Variants in RAPGEF3 observed in about 807,000 individuals in gnomAD.
RAPGEF3 encodes 9330170P05Rik.
RAPGEF3 carries 103 observed loss-of-function variants against 129.8 expected under a neutral mutation model. The ratio of observed to expected loss-of-function variants is 0.79; its 90% CI spans 0.68 to 0.93. The LOEUF is 0.93. Ranked by LOEUF, RAPGEF3 falls within the 40% of genes least tolerant of loss-of-function variation. RAPGEF3 has a pLI of 0.00. For synonymous variants in RAPGEF3, 436 were observed against 482.6 expected (o/e 0.90, Z 1.26); for missense variants, 1,117 against 1,207.4 (o/e 0.93, Z 1.11).
chr12:47,746,344 C>A, intron 16 of RAPGEF3: 1 of 377,698 alleles, frequency 2.6e-6, no homozygotes, highest in South Asian at 3.0e-5. Context: ...CCACCACCAA[C>A]CTAATCTACC....
chr12:47,755,137 T>C (rs79633195), intron 2 of RAPGEF3, among the ~76,000 whole-genome samples: 11,232 of 152,158 alleles, frequency 0.074, 544 homozygotes, highest in Middle Eastern at 0.11. Context: ...AGCATGGTGG[T>C]TATGTGGTTA....
At chr12:47,751,335 C>T (rs1374850906) in intron 5 of RAPGEF3, 64 bp downstream of exon 5, 9 of 1,604,874 alleles carry the variant, frequency 5.6e-6, no homozygotes, top group South Asian at 2.2e-5. Flanking sequence ...CCCAGGACTG[C>T]CCTGTCCTGT....
Position 47,757,994 on chromosome 12 carries a change from G to A in RAPGEF3, c.91C>T (p.Leu31Phe), listed in dbSNP as rs1468785445. Reference sequence around the variant, plus strand: ...GTCCCCTCCGGCACCACGTCAGGGAGGGCTCCCACCCGCGGTGCTCCCAGA... The same window carrying A: ...GTCCCCTCCGGCACCACGTCAGGGAAGGCTCCCACCCGCGGTGCTCCCAGA... ...PALGAPRVGALPDVVPEGTLL... is the reference protein window; with the variant it reads ...PALGAPRVGAFPDVVPEGTLL... Residue 31 changes from leucine to phenylalanine, a missense_variant, in exon 2 of 28, where the codon CTC (leucine) becomes TTC (phenylalanine). Transcript: ENST00000449771. 2 of 1,573,146 alleles carry A rather than the reference G, an allele frequency of 1.3e-6. No individual in the cohort carries two copies. Among genetic ancestry groups the A allele is most frequent in the African/African-American group, 1.3e-5 (1 of 74,214 alleles).
Position 47,757,976 on chromosome 12 carries a change from C to T in RAPGEF3, c.109G>A (p.Glu37Lys). ...RVGALPDVVP[E>K]GTLLNMVLRR... The stretch of plus-strand genomic sequence containing the variant: ...AACACCATGTTGAGTAGTGTCCCCT[C>T]CGGCACCACGTCAGGGAGGGCTCCC... Residue 37 changes from glutamate to lysine, a missense_variant, in exon 2 of 28, where the codon GAG becomes AAG. Glu to Lys is a moderately conservative substitution (Grantham distance 56). Coordinates refer to ENST00000449771, the MANE Select transcript of RAPGEF3 (RefSeq NM_001098531.4). 6.4e-7 allele frequency: 1 copy of T among 1,566,478 alleles called. No individual in the cohort carries two copies. The highest frequency in any genetic ancestry group is 8.7e-7 in the Non-Finnish European group (1 of 1,155,138).
intron 12 of RAPGEF3, 23 bp from the exon 13 acceptor site, chr12:47,748,175 G>T: frequency 6.5e-7 from 1 of 1,538,906 alleles, no homozygotes; most frequent in South Asian, 1.2e-5. Context: ...GTGAGGGGAT[G>T]GGAGGAGGCT....
At chr12:47,739,497 T>C (rs1941009273) in intron 23 of RAPGEF3, 3 of 662,002 alleles carry the variant, frequency 4.5e-6, no homozygotes, top group Admixed American at 2.2e-5. Context: ...CTCTGTCCCT[T>C]TCTATCCCTG....
intron 7 of RAPGEF3, 133 bp from the exon 8 acceptor site, chr12:47,750,123 A>G: frequency 8.5e-7 from 1 of 1,181,586 alleles, no homozygotes; most frequent in East Asian, 2.3e-5. Context: ...AGGTGTTCCC[A>G]GGATTCAGCA....
intron 19 of RAPGEF3, 54 bp downstream of exon 19, chr12:47,741,451 C>T: frequency 6.6e-7 from 1 of 1,523,802 alleles, no homozygotes; most frequent in Non-Finnish European, 9.1e-7. Context: ...TCCACCACTG[C>T]CACACTCAAA....
chr12:47,756,784 T>C (rs1251126213), intron 2 of RAPGEF3, among the ~76,000 whole-genome samples: 1 of 151,870 alleles, frequency 6.6e-6, no homozygotes, highest in African/African-American at 2.4e-5. Flanking sequence ...TCCTGGCCAA[T>C]ATGGTGAAAC....
chr12:47,740,629 G>C lies in RAPGEF3; in HGVS notation c.2231+13C>G. 1 of 1,613,102 alleles carries C rather than the reference G, an allele frequency of 6.2e-7. No homozygotes were observed. ...GACTCTGGCCACGCCCTACCCACTG[G>C]ACAGGGACTCACTGGGCCGCCAGCT... On this transcript the variant is annotated intron_variant, in intron 21 of 27. Coordinates refer to ENST00000449771, the MANE Select transcript of RAPGEF3 (RefSeq NM_001098531.4).
At chr12:47,756,418 CCGGAGAG>C (rs879932192) in intron 2 of RAPGEF3, 2 of 152,236 alleles carry the variant, frequency 1.3e-5, no homozygotes, top group African/African-American at 4.8e-5. Context: ...AGCCAGTGAC[CCGGAGAG>C]CGGAGAGCCG....
rs148970854 is a variant in RAPGEF3, at chr12:47,755,186, G to C, written c.219+2680C>G. Among the ~76,000 whole-genome samples the C allele has an allele frequency of 1.3e-3, 201 of 152,286 alleles. 1 individual carries two copies. Among genetic ancestry groups the C allele is most frequent in the Middle Eastern group, 6.8e-3 (2 of 294 alleles). On this transcript the variant is annotated intron_variant, in intron 2 of 27. Transcript: ENST00000449771. ...TGCAGCCAGATTGCCTGGGACCAAAGCCCAGCTTTGCCACTTAGCAGCTGC... is the reference window on the plus strand; with the variant it reads ...TGCAGCCAGATTGCCTGGGACCAAACCCCAGCTTTGCCACTTAGCAGCTGC...
At position 47,748,840 on chromosome 12, in the gene RAPGEF3, G is replaced by T; in HGVS notation, c.1133C>A (p.Pro378His). ...TTACCGGTTCCTGCCTGGGGTTGGG[G>T]GTCGGGAAGGGCCGGCGCCCTGAGA... is the stretch of plus-strand genomic sequence containing the variant. ...RASQGAGPSR[P>H]PTPGRNRYTV... is the part of the protein sequence containing the mutation. Residue 378 changes from proline (P) to histidine (H), a missense_variant, in exon 11 of 28, where the codon CCC becomes CAC. This residue lies in a region of RAPGEF3 where 107 missense variants were observed against 160.7 expected (regional missense o/e 0.67). Coordinates refer to ENST00000449771, the MANE Select transcript of RAPGEF3 (RefSeq NM_001098531.4). The T allele has an allele frequency of 6.2e-7, 1 of 1,613,476 alleles. No individual in the cohort carries two copies. The highest frequency in any genetic ancestry group is 8.5e-7 in the Non-Finnish European group (1 of 1,179,412).
At chr12:47,741,169 G>A in intron 19 of RAPGEF3, 129 bp from the exon 20 acceptor site, 1 of 1,195,390 alleles carries the variant, frequency 8.4e-7, no homozygotes, top group South Asian at 1.5e-5. Context: ...GGAGTGGGGA[G>A]TAGAGGGTCT....
chr12:47,743,517 G>A lies in RAPGEF3; in HGVS notation c.1825+13C>T. The A allele has an allele frequency of 6.2e-7, 1 of 1,611,762 alleles. No individual in the cohort carries two copies. Among genetic ancestry groups the A allele is most frequent in the Non-Finnish European group, 8.5e-7 (1 of 1,178,284 alleles). The stretch of plus-strand genomic sequence containing the variant: ...CCACCCTCCCTTGGGGTCTATCCAG[G>A]GGCACAACTCACCACCTGCAGAATT... On this transcript the variant is annotated intron_variant, in intron 18 of 27. Transcript: ENST00000449771.
chr12:47,747,879 G>A lies in RAPGEF3; in HGVS notation c.1323-17C>T. 1.2e-6 allele frequency: 2 copies of A among 1,601,010 alleles called. No homozygotes were observed. Among genetic ancestry groups the A allele is most frequent in the South Asian group, 1.1e-5 (1 of 90,990 alleles). On this transcript the variant is annotated splice_polypyrimidine_tract_variant and intron_variant, in intron 13 of 27. Coordinates refer to ENST00000449771, the MANE Select transcript of RAPGEF3 (RefSeq NM_001098531.4). ...ACATGGAAGGTGGGCACCAGTCAAG[G>A]GAACCACAACATCCAAGCAGGGCCA...
In RAPGEF3 at chr12:47,740,841, G is replaced by A. The variant is rs374937635; in HGVS notation, c.2050-18C>T. 135 of 1,613,658 alleles carry A rather than the reference G, an allele frequency of 8.4e-5. No homozygotes were observed. In the South Asian group the frequency reaches 8.8e-4, roughly 11 times the overall value. ...AGCTCCACCTGGGTGGGGTCAGCAG[G>A]AGAGGTCAGCGAGTGCTGAGCCGAG... On this transcript the variant is annotated intron_variant, in intron 20 of 27. Transcript: ENST00000449771.
At position 47,737,310 on chromosome 12, in the gene RAPGEF3, C is replaced by T. The variant is rs1042535389; in HGVS notation, c.*257G>A. The T allele has an allele frequency of 1.4e-5, 7 of 512,600 alleles. No homozygotes were observed. The highest frequency in any genetic ancestry group is 1.3e-4 in the Admixed American group (4 of 30,446). The allele number at this position is 512,600 out of a possible 1,614,324, so 31.8% of individuals were successfully genotyped here. On this transcript the variant is annotated 3_prime_UTR_variant, in exon 28 of 28. Transcript: ENST00000449771. ...CGTCCCAGCGCACTCCACTCTCCACCCACTCCTGGGGCCTCTCTGTCCTCC... is the reference window on the plus strand; with the variant it reads ...CGTCCCAGCGCACTCCACTCTCCACTCACTCCTGGGGCCTCTCTGTCCTCC...
intron 23 of RAPGEF3, 69 bp from the exon 24 acceptor site, chr12:47,739,299 G>A: frequency 7.9e-7 from 1 of 1,260,792 alleles, no homozygotes; most frequent in South Asian, 1.2e-5. Flanking sequence ...CCCAACCAAG[G>A]AGGGGCCACA....
Sources: allele counts gnomAD v4.1 joint callset (sites outside exome capture counted in the v4.1 genomes callset), GRCh38; gene constraint gnomAD v4.1.1; regional missense constraint gnomAD v4.1.1; transcripts MANE v1.5; gene names NCBI Gene and HGNC (gene_info 2026-07-23, HGNC 2026-07-21).